Variants in SAMD4A observed in about 807,000 individuals in gnomAD.
SAMD4A encodes protein Smaug homolog 1.
Under a neutral mutation model 81.3 loss-of-function variants are expected in SAMD4A, and 33 were observed. The observed-to-expected ratio is 0.41, with a 90% CI of 0.31 to 0.54. The LOEUF is 0.54. Ranked by LOEUF, SAMD4A falls within the 20% of genes least tolerant of loss-of-function variation. SAMD4A has a pLI of 0.37. For synonymous variants in SAMD4A, 389 were observed against 382.1 expected, an observed-to-expected ratio of 1.02 and a Z score of -0.21; for missense variants, 854 against 951.1, an observed-to-expected ratio of 0.90 and a Z score of 1.34.
intron 2 of SAMD4A, among the ~76,000 whole-genome samples, chr14:54,624,068 C>T (rs538650813): frequency 8.0e-4 from 122 of 152,282 alleles, no homozygotes; most frequent in African/African-American, 2.8e-3. Flanking sequence ...CTCCGCCTCC[C>T]GGGTTCTAGC....
chr14:54,642,782 C>T (rs987052843), intron 2 of SAMD4A, among the ~76,000 whole-genome samples: 1 of 152,102 alleles, frequency 6.6e-6, no homozygotes, highest in Admixed American at 6.5e-5. Context: ...CAAGAGGAAG[C>T]GAGTCTGCTG....
rs757794842 is a variant in SAMD4A at position 54,748,891 on chromosome 14, G to A, written c.1056G>A (p.Met352Ile). The change falls in exon 5 of 13, where the codon ATG becomes ATA. Residue 352 changes from methionine to isoleucine, a missense_variant. Met to Ile is a conservative substitution (Grantham distance 10, BLOSUM62 1). This residue lies in a region of SAMD4A where 39 missense variants were observed against 74.1 expected (regional missense o/e 0.53). Transcript: ENST00000554335. ...ALFSQMTYEE[M>I]MALTECQLEA... ...TCTCCCAGATGACCTATGAGGAGATGATGGCCCTCACCGAGTGCCAGCTGG... is the reference window on the plus strand; with the variant it reads ...TCTCCCAGATGACCTATGAGGAGATAATGGCCCTCACCGAGTGCCAGCTGG... 1 of 1,554,900 alleles carries A rather than the reference G, an allele frequency of 6.4e-7. No homozygotes were observed. Among genetic ancestry groups the A allele is most frequent in the Non-Finnish European group, 8.7e-7 (1 of 1,148,442 alleles).
chr14:54,671,876 T>C (rs1038302302), intron 2 of SAMD4A, among the ~76,000 whole-genome samples: 4 of 151,682 alleles, frequency 2.6e-5, no homozygotes, highest in Admixed American at 6.6e-5. Context: ...AAGCTGAACT[T>C]TGGGGCAAGA....
intron 2 of SAMD4A, among the ~76,000 whole-genome samples, chr14:54,568,627 T>A (rs968092962): frequency 4.1e-5 from 6 of 147,846 alleles, no homozygotes; most frequent in Non-Finnish European, 7.4e-5. Context: ...ATTCTGGTTT[T>A]AGAGCTTCGT....
At chr14:54,740,978 A>G (rs977709668) in intron 4 of SAMD4A, among the ~76,000 whole-genome samples, 4 of 152,250 alleles carry the variant, frequency 2.6e-5, no homozygotes, top group African/African-American at 9.6e-5. Flanking sequence ...CTAACCCAAG[A>G]GAAGTGGGAA....
chr14:54,648,476 A>G (rs917411831), intron 2 of SAMD4A, among the ~76,000 whole-genome samples: 3 of 152,188 alleles, frequency 2.0e-5, no homozygotes, highest in African/African-American at 7.2e-5. Context: ...CTAGCTTGAG[A>G]CACCTTGTAG....
chr14:54,691,139 A>T (rs182264276), intron 2 of SAMD4A, among the ~76,000 whole-genome samples: 1 of 152,012 alleles, frequency 6.6e-6, no homozygotes, highest in East Asian at 1.9e-4. Flanking sequence ...TCTCCGTCCT[A>T]CTGGGCCTTT....
At chr14:54,616,680 C>A (rs1385355337) in intron 2 of SAMD4A, among the ~76,000 whole-genome samples, 1 of 152,126 alleles carries the variant, frequency 6.6e-6, no homozygotes, top group East Asian at 1.9e-4. Context: ...GTTGTGAATT[C>A]CTTTGGTTAA....
At chr14:54,728,540 G>T (rs1188315612) in intron 3 of SAMD4A, among the ~76,000 whole-genome samples, 2 of 148,810 alleles carry the variant, frequency 1.3e-5, no homozygotes, top group East Asian at 2.0e-4. Flanking sequence ...TCAAATTCTG[G>T]TTTTTTTTTT....
chr14:54,787,040 C>T (rs2039158994), intron 12 of SAMD4A, among the ~76,000 whole-genome samples: 1 of 152,180 alleles, frequency 6.6e-6, no homozygotes, highest in Non-Finnish European at 1.5e-5. Context: ...TCTCTGCTGG[C>T]CAACCCCTTC....
intron 6 of SAMD4A, among the ~76,000 whole-genome samples, chr14:54,759,346 C>T (rs2038329994): frequency 6.6e-6 from 1 of 152,152 alleles, no homozygotes; most frequent in Non-Finnish European, 1.5e-5. Context: ...CGCAGGCCTC[C>T]TTGCTGTTCC....
At chr14:54,703,217 A>C (rs2036765033) in intron 3 of SAMD4A, 1 of 152,818 alleles carries the variant, frequency 6.5e-6, no homozygotes, top group Non-Finnish European at 1.5e-5. Context: ...TCAGTCCAAC[A>C]CCTTAGGAGA....
intron 2 of SAMD4A, among the ~76,000 whole-genome samples, chr14:54,677,473 C>T (rs779647820): frequency 1.6e-4 from 25 of 152,180 alleles, no homozygotes; most frequent in Non-Finnish European, 3.1e-4. Context: ...TCAGAATGTA[C>T]GCCTGGTTAA....
chr14:54,706,296 AG>A (rs34630822), intron 3 of SAMD4A, among the ~76,000 whole-genome samples: 10,932 of 78,342 alleles, frequency 0.14, 457 homozygotes, highest in South Asian at 0.23. Flanking sequence ...AAAAAAAAAA[AG>A]AAGAAGAAGA....
chr14:54,688,948 T>TTTTTTTTTTTAGG (rs2036355905), intron 2 of SAMD4A, among the ~76,000 whole-genome samples: 1 of 147,950 alleles, frequency 6.8e-6, no homozygotes, highest in Non-Finnish European at 1.5e-5. Context: ...TTTTTTTTTT[T>TTTTTTTTTTTAGG]GAGGCGGAGT....
At position 54,723,267 on chromosome 14, in the gene SAMD4A, G is replaced by A. The variant is rs550429566; in HGVS notation, c.716-13757G>A. 9.2e-5 allele frequency among the ~76,000 whole-genome samples: 14 copies of A among 152,160 alleles called. 1 individual carries two copies. In the South Asian group the frequency reaches 2.9e-3, roughly 32 times the overall value. Reference sequence around the variant, plus strand: ...AACCGTAAGCTTTGTGCACCATTTGGGGAAAGCCCAAATGAAAAAGAGATG... The same window carrying A: ...AACCGTAAGCTTTGTGCACCATTTGAGGAAAGCCCAAATGAAAAAGAGATG... On this transcript the variant is annotated intron_variant, in intron 3 of 12. Coordinates refer to ENST00000554335, the MANE Select transcript of SAMD4A (RefSeq NM_015589.6).
chr14:54,672,037 T>C (rs1167598212), intron 2 of SAMD4A, among the ~76,000 whole-genome samples: 8 of 137,028 alleles, frequency 5.8e-5, no homozygotes, highest in South Asian at 4.6e-4. Context: ...TTTTTTTTTT[T>C]TTCTTCAGGG....
At chr14:54,614,009 G>A (rs1344210653) in intron 2 of SAMD4A, among the ~76,000 whole-genome samples, 1 of 152,218 alleles carries the variant, frequency 6.6e-6, no homozygotes, top group Non-Finnish European at 1.5e-5. Flanking sequence ...ATCAACAATT[G>A]TCTAAGAAGG....
chr14:54,748,544 G>A (rs1481854732), intron 4 of SAMD4A, among the ~76,000 whole-genome samples: 4 of 152,078 alleles, frequency 2.6e-5, no homozygotes, highest in Non-Finnish European at 1.5e-5. Flanking sequence ...TAATTTTAGG[G>A]GATTTCTGAA....
Sources: gnomAD v4.1 joint callset for allele counts (sites outside exome capture counted in the v4.1 genomes callset) on GRCh38, gnomAD v4.1.1 for gene constraint, gnomAD v4.1.1 regional missense constraint, MANE v1.5 for transcripts, NCBI Gene and HGNC (gene_info 2026-07-23, HGNC 2026-07-21) for gene names.